The following MGAM2 variants were observed in gnomAD, a reference collection of about 807,000 sequenced individuals.
MGAM2 encodes maltase-glucoamylase 2 (putative), also known as probable maltase-glucoamylase 2.
In MGAM2, 98 loss-of-function variants were observed where a neutral mutation model predicts 96.1. The observed-to-expected ratio is 1.02, with a 90% CI of 0.87 to 1.21. MGAM2 has a LOEUF of 1.21. MGAM2 is among the 50% of genes most tolerant of loss of function. The pLI is 0.00. For synonymous variants in MGAM2, 749 were observed against 414.8 expected, an observed-to-expected ratio of 1.81 and a Z score of -9.79; for missense variants, 2,055 against 1,182.4, an observed-to-expected ratio of 1.74 and a Z score of -10.82.
chr7:142,209,334 G>A (rs1797506843), intron 46 of MGAM2, among the ~76,000 whole-genome samples: 1 of 152,306 alleles, frequency 6.6e-6, no homozygotes, highest in South Asian at 2.1e-4. Context: ...CAAGCCCAGA[G>A]ACAGAGGAGG....
intron 32 of MGAM2, among the ~76,000 whole-genome samples, chr7:142,181,424 G>A (rs375587193): frequency 1.1e-4 from 16 of 152,306 alleles, no homozygotes; most frequent in African/African-American, 3.9e-4. Context: ...TTAAGAGTAA[G>A]GGCCAGAAGA....
At chr7:142,150,024 C>T (rs1283697479) in intron 15 of MGAM2, among the ~76,000 whole-genome samples, 1 of 151,888 alleles carries the variant, frequency 6.6e-6, no homozygotes, top group Non-Finnish European at 1.5e-5. Flanking sequence ...ACAATGAAAC[C>T]TCCGCCTCCC....
chr7:142,134,005 C>T lies in MGAM2; in HGVS notation c.600C>T (p.Leu200=), dbSNP rs756525003. Residue 200 remains leucine, a synonymous_variant, in exon 7 of 48, where the codon CTC becomes CTT. Transcript: ENST00000477922. ...GGTTGGACACGAGCATCGGGCCCCT[C>T]CAGTTTGCCCAGCAGTACCTGCAAC... ...RVLLDTSIGP[L]QFAQQYLQLS... is the part of the protein sequence containing the mutation. The T allele has an allele frequency of 2.8e-6, 2 of 721,822 alleles. No individual in the cohort carries two copies. Among genetic ancestry groups the T allele is most frequent in the South Asian group, 2.9e-5 (2 of 69,190 alleles). 44.7% of individuals were successfully genotyped at this position (721,822 alleles called of 1,614,324 possible).
At chr7:142,112,625 C>T (rs1413298629) in intron 1 of MGAM2, among the ~76,000 whole-genome samples, 3 of 152,058 alleles carry the variant, frequency 2.0e-5, no homozygotes, top group Admixed American at 2.0e-4. Context: ...AGCTCTGCAG[C>T]CTAGGATACA....
chr7:142,198,041 A>G, intron 42 of MGAM2, 98 bp from the exon 43 acceptor site: 2 of 643,582 alleles, frequency 3.1e-6, no homozygotes, highest in South Asian at 3.6e-5. Flanking sequence ...TCACTAATAC[A>G]ATTTTCATTT....
At chr7:142,166,769 A>C (rs910321656) in intron 25 of MGAM2, among the ~76,000 whole-genome samples, 1 of 152,190 alleles carries the variant, frequency 6.6e-6, no homozygotes, top group Non-Finnish European at 1.5e-5. Context: ...GTTTAAAAAA[A>C]TGGATGTGTT....
chr7:142,195,418 C>T (rs12703444), intron 37 of MGAM2, among the ~76,000 whole-genome samples: 38,040 of 139,862 alleles, frequency 0.27, 5,685 homozygotes, highest in East Asian at 0.37. Context: ...GGCAGTGGCA[C>T]GATCTCAGCT....
At chr7:142,158,415 T>C (rs1795798613) in intron 19 of MGAM2, 83 bp downstream of exon 19, 1 of 657,304 alleles carries the variant, frequency 1.5e-6, no homozygotes, top group African/African-American at 1.8e-5. Context: ...TTCCTATCTA[T>C]GACTGCATTT....
intron 37 of MGAM2, among the ~76,000 whole-genome samples, chr7:142,194,978 C>T (rs1039812320): frequency 4.6e-5 from 7 of 152,158 alleles, no homozygotes; most frequent in African/African-American, 1.4e-4. Flanking sequence ...TCTAAGGGTG[C>T]GTGCAGATGA....
At chr7:142,192,306 C>G (rs1796895159) in intron 37 of MGAM2, among the ~76,000 whole-genome samples, 1 of 152,148 alleles carries the variant, frequency 6.6e-6, no homozygotes, top group Non-Finnish European at 1.5e-5. Flanking sequence ...TAGCTTGAGG[C>G]TTTTCCAACC....
intron 16 of MGAM2, 69 bp from the exon 17 acceptor site, chr7:142,154,660 A>G (rs1365102000): frequency 4.4e-6 from 3 of 687,534 alleles, no homozygotes; most frequent in Non-Finnish European, 8.0e-6. Context: ...TTCCCTTATC[A>G]TATAAATCTT....
In MGAM2 at chr7:142,136,523, C is replaced by T; in HGVS notation, c.748-18C>T. On this transcript the variant is annotated intron_variant, in intron 7 of 47. Transcript: ENST00000477922. The stretch of plus-strand genomic sequence containing the variant: ...CTCAACACATAACACTATGACTTTT[C>T]TTCTGTTTTGCTGATAGGGCATGAT... The T allele has an allele frequency of 1.5e-6, 1 of 658,832 alleles. No homozygotes were observed. The highest frequency in any genetic ancestry group is 1.8e-5 in the African/African-American group (1 of 55,034). The allele number at this position is 658,832 out of a possible 1,614,324, so 40.8% of individuals were successfully genotyped here.
chr7:142,166,754 T>A (rs1028050726), intron 25 of MGAM2, among the ~76,000 whole-genome samples: 1 of 152,168 alleles, frequency 6.6e-6, no homozygotes, highest in South Asian at 2.1e-4. Flanking sequence ...AAGGTCAGTG[T>A]GTGTGTTTAA....
At chr7:142,146,901 T>C (rs1795404320) in intron 14 of MGAM2, among the ~76,000 whole-genome samples, 1 of 152,060 alleles carries the variant, frequency 6.6e-6, no homozygotes, top group Admixed American at 6.5e-5. Flanking sequence ...CTAATTTTTG[T>C]AATTTTAGTA....
At chr7:142,210,913 G>C (rs1020904488) in intron 46 of MGAM2, among the ~76,000 whole-genome samples, 1 of 152,230 alleles carries the variant, frequency 6.6e-6, no homozygotes, top group Non-Finnish European at 1.5e-5. Context: ...CCCAGCAGGG[G>C]TCAACAGACA....
chr7:142,212,029 C>A (rs557199351), intron 46 of MGAM2, among the ~76,000 whole-genome samples: 1 of 152,142 alleles, frequency 6.6e-6, no homozygotes, highest in Non-Finnish European at 1.5e-5. Flanking sequence ...AGAATGGGGG[C>A]CAATATTCAA....
chr7:142,130,367 G>T (rs556251386), intron 3 of MGAM2, among the ~76,000 whole-genome samples: 5 of 152,318 alleles, frequency 3.3e-5, no homozygotes, highest in Non-Finnish European at 7.4e-5. Context: ...TCTTGGACTG[G>T]CTTCCAGCCC....
At chr7:142,125,117 G>A (rs1255885544) in intron 3 of MGAM2, among the ~76,000 whole-genome samples, 1 of 152,034 alleles carries the variant, frequency 6.6e-6, no homozygotes, top group Admixed American at 6.6e-5. Flanking sequence ...ATGCAGCTAT[G>A]GTAGGTTTTA....
intron 36 of MGAM2, among the ~76,000 whole-genome samples, chr7:142,188,641 G>C (rs1275874545): frequency 6.6e-6 from 1 of 152,104 alleles, no homozygotes; most frequent in Non-Finnish European, 1.5e-5. Context: ...ACTTGCAATG[G>C]TCTGACTTAT....
Sources: gnomAD v4.1 joint callset for allele counts (sites outside exome capture counted in the v4.1 genomes callset) on GRCh38, gnomAD v4.1.1 for gene constraint, MANE v1.5 for transcripts, NCBI Gene and HGNC (gene_info 2026-07-23, HGNC 2026-07-21) for gene names.